Variants in SNRPN observed in about 807,000 individuals in gnomAD.
The protein encoded by SNRPN is small nuclear ribonucleoprotein-associated protein N.
A neutral mutation model predicts 25.2 loss-of-function variants in SNRPN; 7 were observed. The ratio of observed to expected loss-of-function variants is 0.28; its 90% CI spans 0.16 to 0.52. The LOEUF (loss-of-function observed/expected upper bound fraction) is 0.52, where lower values mean the gene tolerates loss of function less well. SNRPN is among the 20% of genes least tolerant of loss of function. The probability of loss-of-function intolerance (pLI) is 0.96; values close to 1 mark genes in which losing one functional copy is unlikely to be tolerated. For missense variants in SNRPN, 196 were observed against 322.5 expected (o/e 0.61, Z 3.00); for synonymous variants, 124 against 110.6 (o/e 1.12, Z -0.76).
intron 1 of SNRPN, among the ~76,000 whole-genome samples, chr15:24,884,982 G>T (rs1220460691): frequency 6.6e-6 from 1 of 152,042 alleles, no homozygotes; most frequent in East Asian, 1.9e-4. Context: ...TTGTATTTAA[G>T]TTTTTTTTAT....
intron 3 of SNRPN, among the ~76,000 whole-genome samples, chr15:24,943,063 A>G (rs1292020128): frequency 6.7e-6 from 1 of 149,006 alleles, no homozygotes; most frequent in Non-Finnish European, 1.5e-5. Context: ...AGAGGGGTCT[A>G]TCTATAAGTC....
At chr15:24,883,056 A>G (rs1392186635) in intron 1 of SNRPN, among the ~76,000 whole-genome samples, 1 of 152,108 alleles carries the variant, frequency 6.6e-6, no homozygotes, top group Non-Finnish European at 1.5e-5. Context: ...GTGAATTCTC[A>G]AAGTTCAGTT....
intron 2 of SNRPN, among the ~76,000 whole-genome samples, chr15:24,913,210 G>C (rs1485204878): frequency 6.6e-6 from 1 of 152,092 alleles, no homozygotes; most frequent in African/African-American, 2.4e-5. Context: ...AAAGTGCTGG[G>C]ATTACAGACG....
At chr15:24,884,959 G>C (rs1469012595) in intron 1 of SNRPN, among the ~76,000 whole-genome samples, 1 of 152,180 alleles carries the variant, frequency 6.6e-6, no homozygotes, top group African/African-American at 2.4e-5. Flanking sequence ...CAGAAAGCAA[G>C]AGGAGAAATG....
chr15:24,858,885 C>T (rs1361178784), intron 1 of SNRPN, among the ~76,000 whole-genome samples: 2 of 151,756 alleles, frequency 1.3e-5, no homozygotes, highest in Non-Finnish European at 2.9e-5. Context: ...TCCTTTTTCT[C>T]TTTTTTCTTT....
intron 2 of SNRPN, among the ~76,000 whole-genome samples, chr15:24,842,402 G>C (rs1407942924): frequency 1.3e-5 from 2 of 152,166 alleles, no homozygotes; most frequent in Non-Finnish European, 2.9e-5. Flanking sequence ...ATTATTTACA[G>C]ATAGGGAGAA....
rs1236441416 is a variant in SNRPN at position 24,834,749 on chromosome 15, CTCTA to C, written c.-579+4846_-579+4849del. 1.7e-4 allele frequency among the ~76,000 whole-genome samples: 11 copies of C among 63,064 alleles called. No homozygotes were observed. In the South Asian group the frequency reaches 2.3e-3, roughly 13 times the overall value. The allele number at this position is 63,064 out of a possible 152,430, so 41.4% of individuals were successfully genotyped here. ...TCTCCCTCTCTCTCTCTCTCTCTCTCTCTATATATATATATATATATATATATAT... is the reference window on the plus strand; with the variant it reads ...TCTCCCTCTCTCTCTCTCTCTCTCTCTATATATATATATATATATATATAT... On this transcript the variant is annotated intron_variant, in intron 2 of 12. Coordinates refer to the SNRPN transcript ENST00000400100.
At chr15:24,890,604 A>G (rs1041840770) in intron 2 of SNRPN, among the ~76,000 whole-genome samples, 1 of 151,932 alleles carries the variant, frequency 6.6e-6, no homozygotes, top group Non-Finnish European at 1.5e-5. Flanking sequence ...GCTTGAACCC[A>G]GGAGGTGGAG....
chr15:24,923,801 G>A (rs1360186366), intron 3 of SNRPN, among the ~76,000 whole-genome samples: 1 of 151,554 alleles, frequency 6.6e-6, no homozygotes, highest in South Asian at 2.1e-4. Flanking sequence ...AGGCTGTTTT[G>A]GGAAGGGCTC....
At chr15:24,894,512 C>T (rs1170371755) in intron 2 of SNRPN, among the ~76,000 whole-genome samples, 1 of 152,206 alleles carries the variant, frequency 6.6e-6, no homozygotes, top group Non-Finnish European at 1.5e-5. Flanking sequence ...AGCCACCGTG[C>T]CCAGCCGAAA....
rs2076819920 is a variant in SNRPN at position 24,974,361 on chromosome 15, A to G, written c.-93A>G. On this transcript the variant is annotated 5_prime_UTR_variant, in exon 4 of 10. Transcript: ENST00000390687. ...GCCCAGCTTGCATTGTTTCTAGGAG[A>G]ACCTGCGTCATACCTTTATCTATAG... is the stretch of plus-strand genomic sequence containing the variant. 11 of 1,172,226 alleles carry G rather than the reference A, an allele frequency of 9.4e-6. No individual in the cohort carries two copies. The highest frequency in any genetic ancestry group is 1.3e-6 in the Non-Finnish European group (1 of 777,310). The allele number at this position is 1,172,226 out of a possible 1,614,324, so 72.6% of individuals were successfully genotyped here.
At chr15:24,844,726 G>A (rs2052034917) in intron 2 of SNRPN, among the ~76,000 whole-genome samples, 2 of 152,086 alleles carry the variant, frequency 1.3e-5, no homozygotes, top group African/African-American at 2.4e-5. Flanking sequence ...GTTTCACCAT[G>A]TTGGCCAGGC....
intron 1 of SNRPN, among the ~76,000 whole-genome samples, chr15:24,882,296 A>G (rs2056767457): frequency 6.6e-6 from 1 of 152,196 alleles, no homozygotes; most frequent in Non-Finnish European, 1.5e-5. Flanking sequence ...TTTTGAAGGT[A>G]AACATCTTAC....
intron 1 of SNRPN, among the ~76,000 whole-genome samples, chr15:24,864,812 T>C (rs1009043987): frequency 6.6e-6 from 1 of 152,146 alleles, no homozygotes; most frequent in Non-Finnish European, 1.5e-5. Flanking sequence ...TTTAAAAGTG[T>C]GTTAGTTAAT....
At chr15:24,878,696 TA>T (rs2056260788) in intron 1 of SNRPN, among the ~76,000 whole-genome samples, 1 of 152,230 alleles carries the variant, frequency 6.6e-6, no homozygotes, top group Non-Finnish European at 1.5e-5. Context: ...TCTTGTTACA[TA>T]AACATTGACC....
intron 3 of SNRPN, among the ~76,000 whole-genome samples, chr15:24,942,065 A>C (rs891933481): frequency 6.6e-6 from 1 of 152,170 alleles, no homozygotes; most frequent in Non-Finnish European, 1.5e-5. Flanking sequence ...GGCATGAGCC[A>C]CCGTGCCCGG....
intron 2 of SNRPN, among the ~76,000 whole-genome samples, chr15:24,831,702 G>A (rs758170502): frequency 2.0e-5 from 3 of 151,720 alleles, no homozygotes; most frequent in Non-Finnish European, 4.4e-5. Flanking sequence ...TTTAGATTCC[G>A]CTTACACATG....
At chr15:24,936,429 C>T (rs965790168) in intron 3 of SNRPN, among the ~76,000 whole-genome samples, 8 of 152,206 alleles carry the variant, frequency 5.3e-5, no homozygotes, top group Admixed American at 1.3e-4. Context: ...CAGATTTGAA[C>T]ATGGTACAAA....
intron 1 of SNRPN, among the ~76,000 whole-genome samples, chr15:24,872,007 T>C (rs2055186633): frequency 8.3e-6 from 1 of 120,776 alleles, no homozygotes; most frequent in Non-Finnish European, 1.8e-5. Flanking sequence ...GCCCGGCCTT[T>C]TGTCCTCTTT....
Sources: allele counts gnomAD v4.1 joint callset (sites outside exome capture counted in the v4.1 genomes callset), GRCh38; gene constraint gnomAD v4.1.1; transcripts MANE v1.5; gene names NCBI Gene and HGNC (gene_info 2026-07-23, HGNC 2026-07-21).